CDH6: variants seen among roughly 807,000 people sequenced by gnomAD.
CDH6 encodes the protein cadherin-6.
Under a neutral mutation model 78.0 loss-of-function variants are expected in CDH6, and 31 were observed. The ratio of observed to expected loss-of-function variants is 0.40; its 90% CI spans 0.30 to 0.54. The LOEUF is 0.54. CDH6 is among the 20% of genes least tolerant of loss of function. CDH6 has a pLI of 0.56. For missense variants in CDH6, 724 were observed against 975.9 expected (o/e 0.74, Z 3.44); for synonymous variants, 376 against 368.8 (o/e 1.02, Z -0.23).
At chr5:31,219,283 G>C (rs1307134265) in intron 1 of CDH6, among the ~76,000 whole-genome samples, 1 of 152,104 alleles carries the variant, frequency 6.6e-6, no homozygotes, top group South Asian at 2.1e-4. Flanking sequence ...AATTGTGCAA[G>C]CTAGTTCCTT....
chr5:31,314,923 A>G (rs543508146), intron 8 of CDH6, among the ~76,000 whole-genome samples: 7 of 152,272 alleles, frequency 4.6e-5, no homozygotes, highest in Non-Finnish European at 8.8e-5. Context: ...AAAGAATAAT[A>G]TGAGTAAAAT....
chr5:31,297,159 T>A (rs112592912), intron 3 of CDH6, 130 bp from the exon 4 acceptor site: 7 of 753,316 alleles, frequency 9.3e-6, no homozygotes, highest in African/African-American at 5.3e-5. Context: ...TCACCCAGCA[T>A]CCTACCAAAG....
chr5:31,199,362 G>GTA (rs1238254962), intron 1 of CDH6, among the ~76,000 whole-genome samples: 1 of 149,006 alleles, frequency 6.7e-6, no homozygotes, highest in Non-Finnish European at 1.5e-5. Context: ...TATATATGAT[G>GTA]TATATATATG....
Position 31,325,128 on chromosome 5 carries a change from G to A in CDH6, c.*1820G>A, listed in dbSNP as rs1002121526. ...TTACCCAAGAAGTAAAGATGGAAAC[G>A]TTAAAAGAAGAGAAATGTAGTATTT... On this transcript the variant is annotated 3_prime_UTR_variant, in exon 12 of 12. Coordinates refer to ENST00000265071, the MANE Select transcript of CDH6 (RefSeq NM_004932.4). 6 of 225,082 alleles carry A rather than the reference G, an allele frequency of 2.7e-5. No individual in the cohort carries two copies. The highest frequency in any genetic ancestry group is 1.8e-4 in the South Asian group (1 of 5,458). The allele number at this position is 225,082 out of a possible 1,614,324, so 13.9% of individuals were successfully genotyped here.
At chr5:31,316,917 TAA>T (rs1561072641) in intron 9 of CDH6, among the ~76,000 whole-genome samples, 1 of 152,232 alleles carries the variant, frequency 6.6e-6, no homozygotes, top group Non-Finnish European at 1.5e-5. Flanking sequence ...TATGTAATGC[TAA>T]GAGTGCATTT....
intron 6 of CDH6, among the ~76,000 whole-genome samples, chr5:31,303,584 G>A (rs1039379026): frequency 1.4e-4 from 21 of 151,870 alleles, no homozygotes; most frequent in African/African-American, 3.1e-4. Context: ...ACAAAAATAC[G>A]GCAAAAATTA....
chr5:31,283,917 C>A (rs1002524081), intron 2 of CDH6, among the ~76,000 whole-genome samples: 2 of 152,080 alleles, frequency 1.3e-5, no homozygotes, highest in African/African-American at 4.8e-5. Flanking sequence ...TGGGTTCAAG[C>A]GATTCTCCTG....
rs552082090 is a variant in CDH6, at chr5:31,230,755, A to G, written c.-128-36591A>G. ...AATCCATTGAGTTTAATCAAACTCA[A>G]AATAATTCTAAAGAGAAATTAGAGA... On this transcript the variant is annotated intron_variant, in intron 1 of 11. Coordinates refer to ENST00000265071, the MANE Select transcript of CDH6 (RefSeq NM_004932.4). 2.6e-5 allele frequency among the ~76,000 whole-genome samples: 4 copies of G among 152,332 alleles called. No homozygotes were observed. In the South Asian group the frequency reaches 6.2e-4, roughly 24 times the overall value.
intron 6 of CDH6, among the ~76,000 whole-genome samples, chr5:31,302,910 AG>A (rs1444161720): frequency 2.4e-4 from 25 of 104,498 alleles, no homozygotes; most frequent in Non-Finnish European, 2.8e-4. Context: ...AAAAAAAGAA[AG>A]AAAGAAAGAA....
In CDH6 at chr5:31,263,286, T is replaced by G. The variant is rs1216015317; in HGVS notation, c.-128-4060T>G. On this transcript the variant is annotated intron_variant, in intron 1 of 11. Transcript: ENST00000265071. ...TTTTTTTTTTTTTTTTCCAGACAGT[T>G]TTGCTCTTGTCGCCCAGGCTGGAGT... 3.3e-5 allele frequency among the ~76,000 whole-genome samples: 5 copies of G among 149,986 alleles called. No homozygotes were observed. In the Admixed American group the frequency reaches 3.3e-4, roughly 10 times the overall value.
At chr5:31,304,513 T>G (rs2962785) in intron 6 of CDH6, among the ~76,000 whole-genome samples, 1 of 151,514 alleles carries the variant, frequency 6.6e-6, no homozygotes, top group Non-Finnish European at 1.5e-5. Flanking sequence ...GATGAAGCCC[T>G]GTTTCTACTA....
At chr5:31,278,281 G>A (rs1322246308) in intron 2 of CDH6, among the ~76,000 whole-genome samples, 1 of 152,036 alleles carries the variant, frequency 6.6e-6, no homozygotes, top group Non-Finnish European at 1.5e-5. Context: ...ACTACCTCTG[G>A]AAATTTCATA....
intron 2 of CDH6, among the ~76,000 whole-genome samples, chr5:31,274,832 T>C (rs1262100956): frequency 6.6e-6 from 1 of 152,050 alleles, no homozygotes; most frequent in Non-Finnish European, 1.5e-5. Flanking sequence ...AATAAATAAA[T>C]AAATAAACAA....
At chr5:31,280,205 C>G (rs951881342) in intron 2 of CDH6, among the ~76,000 whole-genome samples, 1 of 152,186 alleles carries the variant, frequency 6.6e-6, no homozygotes, top group African/African-American at 2.4e-5. Flanking sequence ...CCCTGGCAGG[C>G]TACGAGTCAT....
chr5:31,196,087 A>G (rs1234957866), intron 1 of CDH6, among the ~76,000 whole-genome samples: 1 of 152,230 alleles, frequency 6.6e-6, no homozygotes, highest in Non-Finnish European at 1.5e-5. Context: ...TGCAAAGATA[A>G]TATATGGAAA....
At chr5:31,266,932 A>G (rs1227686120) in intron 1 of CDH6, among the ~76,000 whole-genome samples, 2 of 152,184 alleles carry the variant, frequency 1.3e-5, no homozygotes, top group East Asian at 1.9e-4. Flanking sequence ...TCCACTTTCA[A>G]TTGAATTCAA....
intron 1 of CDH6, among the ~76,000 whole-genome samples, chr5:31,226,418 G>A (rs146532291): frequency 0.017 from 2,615 of 152,148 alleles, 80 homozygotes; most frequent in African/African-American, 0.06. Flanking sequence ...CAGGTGATCC[G>A]CCCACCTTGG....
intron 3 of CDH6, 31 bp from the exon 4 acceptor site, chr5:31,297,258 G>A: frequency 6.3e-7 from 1 of 1,592,178 alleles, no homozygotes; most frequent in Non-Finnish European, 8.6e-7. Flanking sequence ...AACTCTTGAT[G>A]TGTTTTCAGT....
chr5:31,323,452 G>A lies in CDH6; in HGVS notation c.*144G>A. On this transcript the variant is annotated 3_prime_UTR_variant, in exon 12 of 12. Coordinates refer to ENST00000265071, the MANE Select transcript of CDH6 (RefSeq NM_004932.4). ...TGCAGTCCGTGTGGATCCAATGTTA[G>A]AGACTTTTTTCTAGTACACTTTTAT... 12 of 962,668 alleles carry A rather than the reference G, an allele frequency of 1.2e-5. No homozygotes were observed. The South Asian group carries it at 2.0e-4, about 16-fold the overall frequency. 59.6% of individuals were successfully genotyped at this position (962,668 alleles called of 1,614,324 possible).
Sources: gnomAD v4.1 joint callset for allele counts (sites outside exome capture counted in the v4.1 genomes callset) on GRCh38, gnomAD v4.1.1 for gene constraint, MANE v1.5 for transcripts, NCBI Gene and HGNC (gene_info 2026-07-23, HGNC 2026-07-21) for gene names.